The following DIAPH2 variants were observed in gnomAD, a reference collection of about 807,000 sequenced individuals.
The protein encoded by DIAPH2 is protein diaphanous homolog 2.
A neutral mutation model predicts 92.7 loss-of-function variants in DIAPH2; 35 were observed. The observed-to-expected ratio is 0.38, with a 90% CI of 0.29 to 0.50. The LOEUF is 0.50. Ranked by LOEUF, DIAPH2 falls within the 20% of genes least tolerant of loss-of-function variation. The pLI, the probability that DIAPH2 is intolerant of heterozygous loss-of-function variation, is 0.94. For synonymous variants in DIAPH2, 301 were observed against 280.4 expected, an observed-to-expected ratio of 1.07 and a Z score of -0.73; for missense variants, 701 against 819.5, an observed-to-expected ratio of 0.86 and a Z score of 1.77.
chrX:97,375,434 C>T (rs1453119824), intron 24 of DIAPH2, among the ~76,000 whole-genome samples: 1 of 110,070 alleles, frequency 9.1e-6, no homozygotes, highest in African/African-American at 3.3e-5. Context: ...CCAGCCAGGG[C>T]GACAAGAGCA....
At chrX:97,014,664 G>A (rs1314573884) in intron 17 of DIAPH2, among the ~76,000 whole-genome samples, 1 of 111,911 alleles carries the variant, frequency 8.9e-6, no homozygotes, top group Non-Finnish European at 1.9e-5. Flanking sequence ...AGAATCTGAA[G>A]CTCTAGTGTG....
chrX:97,447,340 T>C (rs1165698537), intron 26 of DIAPH2, among the ~76,000 whole-genome samples: 1 of 111,043 alleles, frequency 9.0e-6, no homozygotes, highest in East Asian at 2.8e-4. Context: ...CATTTCTTCC[T>C]GTTTCTCTCA....
chrX:96,726,958 T>G (rs1242809815), intron 1 of DIAPH2, among the ~76,000 whole-genome samples: 1 of 112,173 alleles, frequency 8.9e-6, no homozygotes, highest in Non-Finnish European at 1.9e-5. Flanking sequence ...CTTTGATTCC[T>G]TCTTTAGTTT....
intron 3 of DIAPH2, among the ~76,000 whole-genome samples, chrX:96,740,779 G>A (rs1254453391): frequency 9.0e-6 from 1 of 111,326 alleles, no homozygotes; most frequent in East Asian, 2.8e-4. Flanking sequence ...TTCCAATCCA[G>A]TATTGCCCTA....
chrX:96,813,250 G>A (rs973705885), intron 4 of DIAPH2, among the ~76,000 whole-genome samples: 1 of 110,743 alleles, frequency 9.0e-6, no homozygotes, highest in Non-Finnish European at 1.9e-5. Flanking sequence ...TCTTCTTGTT[G>A]AATTGATCCC....
intron 26 of DIAPH2, chrX:97,442,752 T>G (rs1259881393): frequency 8.9e-6 from 1 of 112,465 alleles, no homozygotes; most frequent in African/African-American, 3.2e-5. Context: ...GTATTAAAAT[T>G]TGAACCTTAC....
chrX:96,812,638 G>C (rs1235935804), intron 4 of DIAPH2, among the ~76,000 whole-genome samples: 1 of 111,694 alleles, frequency 9.0e-6, no homozygotes, highest in Non-Finnish European at 1.9e-5. Flanking sequence ...GATCTTTCCT[G>C]CTTTCTCTTG....
intron 23 of DIAPH2, among the ~76,000 whole-genome samples, chrX:97,282,034 GA>G (rs1387944018): frequency 9.2e-6 from 1 of 108,156 alleles, no homozygotes; most frequent in African/African-American, 3.4e-5. Context: ...AAGAAAAAAA[GA>G]AAAAAAAAGC....
At chrX:97,348,601 C>T (rs1010990594) in intron 24 of DIAPH2, among the ~76,000 whole-genome samples, 10 of 111,827 alleles carry the variant, frequency 8.9e-5, no homozygotes, top group Admixed American at 5.7e-4. Flanking sequence ...TATAATTTCA[C>T]GTAGCGTAAA....
intron 22 of DIAPH2, among the ~76,000 whole-genome samples, chrX:97,181,802 A>G (rs1338138216): frequency 8.9e-6 from 1 of 112,712 alleles, no homozygotes; most frequent in Non-Finnish European, 1.9e-5. Flanking sequence ...TTTGCAAGAT[A>G]AAGATTATAA....
chrX:97,442,972 C>T (rs2070274316), intron 26 of DIAPH2, among the ~76,000 whole-genome samples: 1 of 111,632 alleles, frequency 9.0e-6, no homozygotes, highest in Non-Finnish European at 1.9e-5. Flanking sequence ...AGCCTTGACT[C>T]TCATGGGCTC....
At chrX:96,734,220 A>G (rs1437350623) in intron 1 of DIAPH2, among the ~76,000 whole-genome samples, 1 of 112,374 alleles carries the variant, frequency 8.9e-6, no homozygotes, top group Non-Finnish European at 1.9e-5. Flanking sequence ...CCCTTCATTT[A>G]CATTCTTGCT....
intron 23 of DIAPH2, among the ~76,000 whole-genome samples, chrX:97,251,575 C>T (rs1489569809): frequency 9.0e-6 from 1 of 110,763 alleles, no homozygotes. Flanking sequence ...AGGCACACGC[C>T]ACCACGCCCA....
chrX:97,310,846 C>CA (rs1398112336), intron 23 of DIAPH2, among the ~76,000 whole-genome samples: 1 of 110,400 alleles, frequency 9.1e-6, no homozygotes, highest in African/African-American at 3.3e-5. Context: ...CCATCTCTAC[C>CA]AAAAAATATA....
chrX:97,515,166 C>G (rs765944105), intron 26 of DIAPH2, among the ~76,000 whole-genome samples: 2 of 112,487 alleles, frequency 1.8e-5, no homozygotes, highest in African/African-American at 6.4e-5. Flanking sequence ...AGCGAGATTC[C>G]GTGGGCGTAG....
chrX:96,988,349 A>G (rs1217660737), intron 17 of DIAPH2, among the ~76,000 whole-genome samples: 1 of 111,036 alleles, frequency 9.0e-6, no homozygotes, highest in African/African-American at 3.3e-5. Flanking sequence ...CTTTAAAAGC[A>G]TATGAGTTGG....
At chrX:97,105,514 G>C (rs894902813) in intron 20 of DIAPH2, among the ~76,000 whole-genome samples, 5 of 111,346 alleles carry the variant, frequency 4.5e-5, no homozygotes, top group Non-Finnish European at 5.6e-5. Context: ...ATTATGTGCT[G>C]TACCTTTACT....
intron 1 of DIAPH2, among the ~76,000 whole-genome samples, chrX:96,719,424 A>C (rs2063975951): frequency 8.9e-6 from 1 of 112,453 alleles, no homozygotes; most frequent in Admixed American, 9.4e-5. Flanking sequence ...TTGAGGTCTT[A>C]GATTTAAGTC....
chrX:97,336,324 A>G (rs1211490179), intron 23 of DIAPH2, among the ~76,000 whole-genome samples: 1 of 101,345 alleles, frequency 9.9e-6, no homozygotes, highest in Non-Finnish European at 2.0e-5. Flanking sequence ...GGCTCACTGT[A>G]AGCTCCGCCT....
Sources: allele counts gnomAD v4.1 joint callset (sites outside exome capture counted in the v4.1 genomes callset), GRCh38; gene constraint gnomAD v4.1.1; transcripts MANE v1.5; gene names NCBI Gene and HGNC (gene_info 2026-07-23, HGNC 2026-07-21).